Variants in CTNNA3 observed in about 807,000 individuals in gnomAD.
The protein encoded by CTNNA3 is catenin alpha-3.
CTNNA3 carries 76 observed loss-of-function variants against 95.7 expected under a neutral mutation model. The observed-to-expected ratio is 0.79, with a 90% confidence interval of 0.66 to 0.96. The LOEUF (loss-of-function observed/expected upper bound fraction) is 0.96, where lower values mean the gene tolerates loss of function less well. CTNNA3 is among the 40% of genes least tolerant of loss of function. CTNNA3 has a pLI of 0.00. For missense variants in CTNNA3, 1,191 were observed against 1,089.8 expected (o/e 1.09, Z -1.31); for synonymous variants, 431 against 374.4 (o/e 1.15, Z -1.74).
At chr10:67,712,578 G>C (rs1177168737) in intron 1 of CTNNA3, among the ~76,000 whole-genome samples, 2 of 152,256 alleles carry the variant, frequency 1.3e-5, no homozygotes, top group Non-Finnish European at 2.9e-5. Context: ...CATGGCTTCA[G>C]AGGGTGCAAG....
intron 5 of CTNNA3, among the ~76,000 whole-genome samples, chr10:67,473,012 A>T (rs978895418): frequency 6.6e-6 from 1 of 152,186 alleles, no homozygotes; most frequent in African/African-American, 2.4e-5. Context: ...ACTTGCTCAT[A>T]TGTTTCTCTC....
intron 7 of CTNNA3, among the ~76,000 whole-genome samples, chr10:67,159,005 C>G (rs943429470): frequency 6.6e-6 from 1 of 152,132 alleles, no homozygotes; most frequent in African/African-American, 2.4e-5. Context: ...AAACCAAAGA[C>G]AGGCAGCCCA....
intron 13 of CTNNA3, among the ~76,000 whole-genome samples, chr10:66,143,048 T>C (rs1435306609): frequency 6.6e-6 from 1 of 152,106 alleles, no homozygotes; most frequent in East Asian, 1.9e-4. Flanking sequence ...CAATACTTTA[T>C]GTATTTTATT....
chr10:67,116,298 G>T (rs1237718745), intron 7 of CTNNA3, among the ~76,000 whole-genome samples: 1 of 152,000 alleles, frequency 6.6e-6, no homozygotes, highest in Non-Finnish European at 1.5e-5. Context: ...ATAGAATGTT[G>T]ACCATTTGAT....
chr10:66,676,928 A>C (rs1046540244), intron 9 of CTNNA3, among the ~76,000 whole-genome samples: 6 of 152,084 alleles, frequency 3.9e-5, no homozygotes, highest in African/African-American at 1.4e-4. Flanking sequence ...TCAAAGTCTC[A>C]TGGCACAGTC....
chr10:66,087,064 T>C (rs2081011918), intron 14 of CTNNA3, among the ~76,000 whole-genome samples: 1 of 152,092 alleles, frequency 6.6e-6, no homozygotes, highest in African/African-American at 2.4e-5. Flanking sequence ...CTTCTTCCTT[T>C]TCCTTGTCGC....
intron 12 of CTNNA3, among the ~76,000 whole-genome samples, chr10:66,341,121 C>G (rs1342966853): frequency 6.6e-6 from 1 of 151,760 alleles, no homozygotes; most frequent in African/African-American, 2.4e-5. Flanking sequence ...GGATGCTTTT[C>G]TGAGATTCAA....
intron 5 of CTNNA3, among the ~76,000 whole-genome samples, chr10:67,391,800 G>C (rs1177599189): frequency 6.6e-6 from 1 of 151,078 alleles, no homozygotes; most frequent in Non-Finnish European, 1.5e-5. Flanking sequence ...AACAAGCAAT[G>C]GGGAAAGGAT....
At chr10:67,115,916 G>A (rs1449984308) in intron 7 of CTNNA3, among the ~76,000 whole-genome samples, 5 of 151,726 alleles carry the variant, frequency 3.3e-5, no homozygotes, top group South Asian at 4.1e-4. Flanking sequence ...GATCCTCTCT[G>A]CTTGCTCATT....
At chr10:67,611,601 C>CCA (rs1843460562) in intron 2 of CTNNA3, among the ~76,000 whole-genome samples, 1 of 152,168 alleles carries the variant, frequency 6.6e-6, no homozygotes, top group Non-Finnish European at 1.5e-5. Flanking sequence ...CAGGCGTGAG[C>CCA]CACTGCGCCT....
At chr10:67,367,912 T>G (rs183401724) in intron 5 of CTNNA3, among the ~76,000 whole-genome samples, 1 of 152,104 alleles carries the variant, frequency 6.6e-6, no homozygotes, top group East Asian at 1.9e-4. Context: ...AAGGAAAGTG[T>G]TGAAAAACTA....
chr10:67,304,398 G>A (rs1331474611), intron 5 of CTNNA3, among the ~76,000 whole-genome samples: 2 of 152,050 alleles, frequency 1.3e-5, no homozygotes, highest in Non-Finnish European at 2.9e-5. Flanking sequence ...CATCTTTCAC[G>A]ACACTGATAA....
intron 5 of CTNNA3, among the ~76,000 whole-genome samples, chr10:67,237,171 TATAC>T (rs1865523742): frequency 2.6e-5 from 3 of 115,332 alleles, no homozygotes; most frequent in South Asian, 7.1e-4. Flanking sequence ...TATATATATA[TATAC>T]ACACACAATG....
intron 1 of CTNNA3, among the ~76,000 whole-genome samples, chr10:67,757,246 A>G (rs1841438107): frequency 6.6e-6 from 1 of 152,210 alleles, no homozygotes; most frequent in Non-Finnish European, 1.5e-5. Flanking sequence ...TATTTAGCAA[A>G]TATCTCTGTG....
At chr10:67,661,249 AAGAG>A (rs764164245) in intron 1 of CTNNA3, among the ~76,000 whole-genome samples, 149 of 151,636 alleles carry the variant, frequency 9.8e-4, no homozygotes, top group Non-Finnish European at 1.2e-3. Context: ...ACAAAAAAAA[AAGAG>A]AGAGAGAGAA....
chr10:67,605,975 AT>A (rs1332783268), intron 3 of CTNNA3, among the ~76,000 whole-genome samples: 1 of 152,074 alleles, frequency 6.6e-6, no homozygotes, highest in Non-Finnish European at 1.5e-5. Flanking sequence ...TCGGCCAAAA[AT>A]TTTTTTTAAA....
At chr10:67,646,459 A>G (rs1839716648) in intron 2 of CTNNA3, among the ~76,000 whole-genome samples, 1 of 151,998 alleles carries the variant, frequency 6.6e-6, no homozygotes, top group Non-Finnish European at 1.5e-5. Flanking sequence ...ATCATCAGGG[A>G]TGCACATGTT....
At chr10:67,649,132 T>G (rs1839805471) in intron 1 of CTNNA3, among the ~76,000 whole-genome samples, 1 of 152,218 alleles carries the variant, frequency 6.6e-6, no homozygotes, top group African/African-American at 2.4e-5. Context: ...CTACGACAGG[T>G]ACTATCCTAC....
At chr10:67,427,454 TAAAC>T (rs1845960821) in intron 5 of CTNNA3, among the ~76,000 whole-genome samples, 1 of 152,070 alleles carries the variant, frequency 6.6e-6, no homozygotes, top group East Asian at 1.9e-4. Context: ...ATTCTTGCCT[TAAAC>T]AAAATTATGT....
Sources: gnomAD v4.1 joint callset for allele counts (sites outside exome capture counted in the v4.1 genomes callset) on GRCh38, gnomAD v4.1.1 for gene constraint, MANE v1.5 for transcripts, NCBI Gene and HGNC (gene_info 2026-07-23, HGNC 2026-07-21) for gene names.